Variants in ECPAS observed in about 807,000 individuals in gnomAD.
ECPAS encodes the protein Ecm29 proteasome adaptor and scaffold.
A neutral mutation model predicts 255.1 loss-of-function variants in ECPAS; 70 were observed. The ratio of observed to expected loss-of-function variants is 0.27; its 90% CI spans 0.23 to 0.33. The LOEUF is 0.33. Among genes scored for constraint, ECPAS ranks in the 10% least tolerant of loss-of-function variants. The pLI, the probability that ECPAS is intolerant of heterozygous loss-of-function variation, is 1.00. For synonymous variants in ECPAS, 784 were observed against 775.0 expected (o/e 1.01, Z -0.19); for missense variants, 1,817 against 2,206.4 (o/e 0.82, Z 3.54).
intron 15 of ECPAS, among the ~76,000 whole-genome samples, chr9:111,420,779 G>C (rs2098212370): frequency 6.6e-6 from 1 of 152,176 alleles, no homozygotes; most frequent in African/African-American, 2.4e-5. Flanking sequence ...AAATAAGAGA[G>C]ACATTAAAAA....
intron 3 of ECPAS, among the ~76,000 whole-genome samples, chr9:111,450,572 G>A (rs2098259065): frequency 6.6e-6 from 1 of 152,168 alleles, no homozygotes; most frequent in Non-Finnish European, 1.5e-5. Context: ...TATACTGGAA[G>A]ACTAATGAAA....
intron 17 of ECPAS, 124 bp downstream of exon 17, chr9:111,417,753 AAAAAAG>A: frequency 1.0e-6 from 1 of 998,008 alleles, no homozygotes; most frequent in Non-Finnish European, 1.4e-6. Flanking sequence ...TCTCAAAAAA[AAAAAAG>A]AAAAGAAAAG....
chr9:111,363,349 ATTACT>A (rs954563526), intron 49 of ECPAS, among the ~76,000 whole-genome samples: 3 of 152,196 alleles, frequency 2.0e-5, no homozygotes, highest in East Asian at 1.9e-4. Flanking sequence ...CAAAAACTTT[ATTACT>A]TTAAGACAAC....
At chr9:111,445,091 G>A (rs2098251147) in intron 3 of ECPAS, among the ~76,000 whole-genome samples, 1 of 144,200 alleles carries the variant, frequency 6.9e-6, no homozygotes, top group Non-Finnish European at 1.5e-5. Context: ...TGCCTTCTGA[G>A]TTCAAGCAAT....
intron 10 of ECPAS, 44 bp from the exon 11 acceptor site, chr9:111,425,872 GAATTT>G (rs1564537147): frequency 1.0e-6 from 1 of 965,514 alleles, no homozygotes; most frequent in Non-Finnish European, 1.6e-6. Context: ...ATAAAAATAA[GAATTT>G]AATATTTTTG....
chr9:111,464,537 A>G (rs1196977144), intron 2 of ECPAS, among the ~76,000 whole-genome samples: 1 of 152,162 alleles, frequency 6.6e-6, no homozygotes, highest in African/African-American at 2.4e-5. Context: ...TATAAAAACA[A>G]TCTAAATATC....
intron 8 of ECPAS, 130 bp downstream of exon 8, chr9:111,433,103 C>T: frequency 1.2e-6 from 1 of 867,192 alleles, no homozygotes; most frequent in South Asian, 1.8e-5. Flanking sequence ...TGATTACAAA[C>T]TAGGTATATT....
chr9:111,401,942 AC>A (rs2098176706), intron 24 of ECPAS, among the ~76,000 whole-genome samples: 1 of 152,228 alleles, frequency 6.6e-6, no homozygotes, highest in South Asian at 2.1e-4. Context: ...GTTCAAACAC[AC>A]GTTTTACAAA....
At chr9:111,428,937 T>C (rs2098225752) in intron 9 of ECPAS, among the ~76,000 whole-genome samples, 1 of 152,218 alleles carries the variant, frequency 6.6e-6, no homozygotes, top group Non-Finnish European at 1.5e-5. Context: ...TCTTCATACA[T>C]ACATTTTTTT....
intron 8 of ECPAS, among the ~76,000 whole-genome samples, chr9:111,432,945 T>G (rs2131853715): frequency 6.6e-6 from 1 of 152,300 alleles, no homozygotes; most frequent in East Asian, 1.9e-4. Context: ...GAACTGACAC[T>G]TTTCTTAACA....
chr9:111,465,028 A>G (rs1406356662), intron 2 of ECPAS, among the ~76,000 whole-genome samples: 2 of 151,690 alleles, frequency 1.3e-5, no homozygotes, highest in Non-Finnish European at 2.9e-5. Context: ...TACTAAAAAT[A>G]CAAGGAGGCT....
Position 111,391,887 on chromosome 9 carries a change from TACGATTCATTTAC to T in ECPAS, c.3093-76_3093-64del, listed in dbSNP as rs543939823. The T allele has an allele frequency of 1.9e-3, 1,946 of 1,018,862 alleles. 35 individuals are homozygous for T. In the South Asian group the frequency reaches 0.024, roughly 13 times the overall value. The allele number at this position is 1,018,862 out of a possible 1,614,324, so 63.1% of individuals were successfully genotyped here. On this transcript the variant is annotated intron_variant, in intron 28 of 49. Transcript: ENST00000684092. ...TTCATACCAACATTCAACTAGCCAA[TACGATTCATTTAC>T]AAAGTGATAAAACTTCCTATCAAGC...
intron 1 of ECPAS, among the ~76,000 whole-genome samples, chr9:111,475,248 T>C (rs1337137395): frequency 2.0e-5 from 3 of 152,212 alleles, no homozygotes; most frequent in Non-Finnish European, 4.4e-5. Flanking sequence ...AAACAAGCCA[T>C]ATAAAATGGG....
intron 7 of ECPAS, among the ~76,000 whole-genome samples, chr9:111,436,033 G>GAAA (rs1290825673): frequency 7.4e-6 from 1 of 135,872 alleles, no homozygotes; most frequent in Non-Finnish European, 1.6e-5. Flanking sequence ...GTTTAAGGAG[G>GAAA]AAAAAAAAAA....
chr9:111,473,948 CAGAG>C (rs762835116), intron 1 of ECPAS, among the ~76,000 whole-genome samples: 23 of 151,930 alleles, frequency 1.5e-4, no homozygotes, highest in Non-Finnish European at 7.4e-5. Flanking sequence ...GCCTGGGTGA[CAGAG>C]AGAGACCCTG....
intron 2 of ECPAS, among the ~76,000 whole-genome samples, chr9:111,467,889 G>A (rs1293351374): frequency 6.6e-6 from 1 of 152,152 alleles, no homozygotes; most frequent in African/African-American, 2.4e-5. Flanking sequence ...ACCTGCCAGA[G>A]GTCACCATGT....
At position 111,423,246 on chromosome 9, in the gene ECPAS, G is replaced by C. The variant is rs1170943784; in HGVS notation, c.1218C>G (p.Asp406Glu). ...AATATGCCATTGACAGTAGTTTAGG[G>C]TCCTTGAAATTAAAAAAAGAAAAGA... ...LTKLINEYKE[D>E]PKLLSMAYSA... Residue 406 changes from aspartate (D) to glutamate (E), a missense_variant and splice_region_variant, in exon 13 of 50, where the codon GAC (aspartate) becomes GAG (glutamate). By Grantham distance (45) the Asp-to-Glu change is conservative. Transcript: ENST00000684092. 6 of 1,551,366 alleles carry C rather than the reference G, an allele frequency of 3.9e-6. No individual in the cohort carries two copies. Among genetic ancestry groups the C allele is most frequent in the Non-Finnish European group, 5.2e-6 (6 of 1,145,422 alleles).
At chr9:111,421,134 G>C (rs1164217587) in intron 15 of ECPAS, among the ~76,000 whole-genome samples, 1 of 152,104 alleles carries the variant, frequency 6.6e-6, no homozygotes, top group Non-Finnish European at 1.5e-5. Flanking sequence ...CACACTAAGA[G>C]CACTTGACAA....
At chr9:111,459,994 A>C (rs548025743) in intron 2 of ECPAS, among the ~76,000 whole-genome samples, 3 of 152,220 alleles carry the variant, frequency 2.0e-5, no homozygotes. Context: ...GAAAGATAAA[A>C]GCAAATAAAA....
Sources: gnomAD v4.1 joint callset for allele counts (sites outside exome capture counted in the v4.1 genomes callset) on GRCh38, gnomAD v4.1.1 for gene constraint, MANE v1.5 for transcripts, NCBI Gene and HGNC (gene_info 2026-07-23, HGNC 2026-07-21) for gene names.